Variants in ZEB2 observed in about 807,000 individuals in gnomAD.
ZEB2 encodes zinc finger E-box-binding homeobox 2.
ZEB2 carries 6 observed loss-of-function variants against 99.9 expected under a neutral mutation model. The observed-to-expected ratio is 0.06, with a 90% CI of 0.03 to 0.12. The LOEUF (loss-of-function observed/expected upper bound fraction) is 0.12. ZEB2 is among the 10% of genes least tolerant of loss of function. ZEB2 has a pLI of 1.00. For missense variants in ZEB2, 969 were observed against 1,502.8 expected, an observed-to-expected ratio of 0.64 and a Z score of 5.87; for synonymous variants, 517 against 542.5, an observed-to-expected ratio of 0.95 and a Z score of 0.65.
intron 2 of ZEB2, among the ~76,000 whole-genome samples, chr2:144,458,412 T>C (rs1431435985): frequency 2.6e-5 from 4 of 152,100 alleles, no homozygotes; most frequent in Admixed American, 2.6e-4. Context: ...TTCCTAAGAA[T>C]ACATTGAGAG....
At position 144,513,002 on chromosome 2, in the gene ZEB2, C is replaced by G. The variant is rs545493431; in HGVS notation, c.73+4276G>C. 4 of 1,287,206 alleles carry G rather than the reference C, an allele frequency of 3.1e-6. No individual in the cohort carries two copies. The African/African-American group carries it at 6.1e-5, about 20-fold the overall frequency. The allele number at this position is 1,287,206 out of a possible 1,614,324, so 79.7% of individuals were successfully genotyped here. On this transcript the variant is annotated intron_variant, in intron 2 of 9. Coordinates refer to ENST00000627532, the MANE Select transcript of ZEB2 (RefSeq NM_014795.4). ...GATTTCCACACTTTGCAAAGATAAC[C>G]AAGTCTGGACTGACAGTGATCCGAA...
At position 144,399,242 on chromosome 2, in the gene ZEB2, T is replaced by C; in HGVS notation, c.1945A>G (p.Ile649Val). 6.2e-7 allele frequency: 1 copy of C among 1,614,136 alleles called. No individual in the cohort carries two copies. The highest frequency in any genetic ancestry group is 8.5e-7 in the Non-Finnish European group (1 of 1,180,008). Residue 649 changes from isoleucine (I) to valine (V), a missense_variant, in exon 8 of 10, where the codon ATC (isoleucine) becomes GTC (valine). Ile to Val is a conservative substitution (Grantham distance 29). Around this residue, in one of 8 missense-constraint regions of ZEB2, gnomAD observed 346 missense variants for 460.0 expected, o/e 0.75. Coordinates refer to ENST00000627532, the MANE Select transcript of ZEB2 (RefSeq NM_014795.4). This position sits in a 1 kb window ranked among gnomAD's most constrained non-coding sequence, Gnocchi z 5.6. ...GACATGTGGTCCTTGTATGGGTTGA[T>C]GGGGCTTGTCATTCCTTTCTCAGAA... Reference protein sequence around the residue: ...VLSEKGMTSPINPYKDHMSVL... With the variant: ...VLSEKGMTSPVNPYKDHMSVL...
intron 4 of ZEB2, among the ~76,000 whole-genome samples, chr2:144,415,120 T>C (rs1026218828): frequency 5.3e-5 from 8 of 151,870 alleles, no homozygotes; most frequent in East Asian, 1.9e-4. Context: ...AGAGAACACA[T>C]AAAAGTTTTT....
rs779551719 is a variant in ZEB2 at position 144,399,930 on chromosome 2, C to T, written c.1257G>A (p.Gly419=). The T allele has an allele frequency of 6.2e-7, 1 of 1,614,064 alleles. No individual in the cohort carries two copies. Among genetic ancestry groups the T allele is most frequent in the Non-Finnish European group, 8.5e-7 (1 of 1,180,028 alleles). The part of the protein sequence containing the change: ...FSGTSPFMNG[G]LGATSPLGVH... ...CTCCTAAAGGGCTGGTGGCTCCAAGCCCACCATTCATAAAGGGACTAGTGC... is the reference window on the plus strand; with the variant it reads ...CTCCTAAAGGGCTGGTGGCTCCAAGTCCACCATTCATAAAGGGACTAGTGC... Residue 419 remains glycine (G), a synonymous_variant, in exon 8 of 10, where the codon GGG becomes GGA. Transcript: ENST00000627532. The surrounding 1 kb of genome is among the most constrained non-coding windows in gnomAD (Gnocchi z 5.6).
At chr2:144,517,853 G>T in intron 1 of ZEB2, 1 of 526,340 alleles carries the variant, frequency 1.9e-6, no homozygotes, top group East Asian at 3.2e-5. Context: ...ATTCCCAGAG[G>T]AAACAAACAA....
intron 2 of ZEB2, among the ~76,000 whole-genome samples, chr2:144,489,183 T>C (rs1456947998): frequency 6.6e-6 from 1 of 152,118 alleles, no homozygotes; most frequent in African/African-American, 2.4e-5. Flanking sequence ...TCAGAAGGGG[T>C]GACCTATGGT....
rs1553970225 is a variant in ZEB2 at position 144,504,092 on chromosome 2, A to AC, written c.73+13185_73+13186insG. On this transcript the variant is annotated intron_variant, in intron 2 of 9. Transcript: ENST00000627532. ...AGTTAACAATTAGAAAAAAAAAAAA[A>AC]AACAACAAAAAAAACAAACCACCTT... is the stretch of plus-strand genomic sequence containing the variant. The AC allele has an allele frequency of 3.7e-4, 8 of 21,742 alleles. No individual in the cohort carries two copies. In the East Asian group the frequency reaches 3.9e-3, roughly 11 times the overall value. 1.3% of individuals were successfully genotyped at this position (21,742 alleles called of 1,614,324 possible). A position where few individuals can be genotyped will look rare whatever the true frequency, so the allele number is the denominator to read the frequency against.
At chr2:144,432,568 C>T (rs1703788149) in intron 2 of ZEB2, among the ~76,000 whole-genome samples, 1 of 152,148 alleles carries the variant, frequency 6.6e-6, no homozygotes, top group Non-Finnish European at 1.5e-5. Flanking sequence ...CTGATCCCTA[C>T]CCCATGCCCC....
At chr2:144,517,683 T>A (rs1228459038) in intron 1 of ZEB2, 2 of 700,268 alleles carry the variant, frequency 2.9e-6, no homozygotes, top group African/African-American at 3.5e-5. Flanking sequence ...TCATAACTCC[T>A]GACCGTATGA....
intron 2 of ZEB2, among the ~76,000 whole-genome samples, chr2:144,441,644 C>A (rs1261074650): frequency 6.6e-6 from 1 of 151,238 alleles, no homozygotes; most frequent in East Asian, 1.9e-4. Flanking sequence ...AATGTACTTA[C>A]AATTTTTTTA....
At chr2:144,491,173 G>C (rs1704674297) in intron 2 of ZEB2, among the ~76,000 whole-genome samples, 1 of 152,216 alleles carries the variant, frequency 6.6e-6, no homozygotes, top group Non-Finnish European at 1.5e-5. Context: ...TGGGGTGGGC[G>C]CCATGTGGGC....
intron 9 of ZEB2, among the ~76,000 whole-genome samples, chr2:144,392,303 T>C (rs971594355): frequency 2.0e-5 from 3 of 152,242 alleles, no homozygotes; most frequent in African/African-American, 7.2e-5. Flanking sequence ...ATGAACATTA[T>C]GATATGGCTT....
chr2:144,417,820 C>T (rs1307292511), intron 4 of ZEB2, among the ~76,000 whole-genome samples: 4 of 152,022 alleles, frequency 2.6e-5, no homozygotes, highest in East Asian at 3.9e-4. Flanking sequence ...ATAGCTAGAA[C>T]GGGGGTTCTC....
At chr2:144,487,946 TA>T (rs1347113663) in intron 2 of ZEB2, among the ~76,000 whole-genome samples, 2 of 152,200 alleles carry the variant, frequency 1.3e-5, no homozygotes, top group Non-Finnish European at 2.9e-5. Flanking sequence ...TGTTTTCCAT[TA>T]AATCAAAAAG....
At chr2:144,494,232 T>C in intron 2 of ZEB2, 1 of 150,444 alleles carries the variant, frequency 6.6e-6, no homozygotes, top group East Asian at 2.0e-4. Context: ...ACAGACCCAA[T>C]TCTGTGGGAC....
intron 2 of ZEB2, among the ~76,000 whole-genome samples, chr2:144,515,797 TAGAG>T (rs10639317): frequency 8.6e-4 from 126 of 146,846 alleles, no homozygotes; most frequent in South Asian, 2.0e-3. Context: ...ACACAAAACC[TAGAG>T]AGAGAGAGAG....
Position 144,396,419 on chromosome 2 carries a change from T to C in ZEB2, c.3060A>G (p.Glu1020=). The part of the protein sequence containing the change: ...KSSSLLRHKY[E]HTGKRPHQCQ... ...AGGCAAAGTCACTCATACCTGTGTG[T>C]TCGTATTTATGTCGCAGAAGGGAAC... Residue 1020 remains glutamate (E), a synonymous_variant, in exon 9 of 10, where the codon GAA becomes GAG. Transcript: ENST00000627532. The C allele has an allele frequency of 1.2e-6, 2 of 1,613,324 alleles. No individual in the cohort carries two copies. The highest frequency in any genetic ancestry group is 1.3e-5 in the African/African-American group (1 of 75,028).
At chr2:144,514,713 T>A (rs1218273235) in intron 2 of ZEB2, among the ~76,000 whole-genome samples, 10 of 152,218 alleles carry the variant, frequency 6.6e-5, no homozygotes, top group Non-Finnish European at 1.0e-4. Flanking sequence ...ATAACCAGTA[T>A]ACAGCATGTT....
chr2:144,400,314 TAACAATTGCAATTGTCTACC>T (rs1703293716), intron 7 of ZEB2, 44 bp from the exon 8 acceptor site: 1 of 1,586,582 alleles, frequency 6.3e-7, no homozygotes, highest in Non-Finnish European at 8.5e-7. Context: ...CTTGATTAGA[TAACAATTGCAATTGTCTACC>T]AAGAGAAGAA....
Sources: gnomAD v4.1 joint callset for allele counts (sites outside exome capture counted in the v4.1 genomes callset) on GRCh38, gnomAD v4.1.1 for gene constraint, gnomAD v4.1.1 regional missense constraint, Gnocchi (gnomAD v3.1) non-coding constraint, MANE v1.5 for transcripts, NCBI Gene and HGNC (gene_info 2026-07-23, HGNC 2026-07-21) for gene names.